The following XKR9 variants were observed in gnomAD, a reference collection of about 807,000 sequenced individuals.
XKR9 encodes XK-related protein 9.
In XKR9, 32 loss-of-function variants were observed where a neutral mutation model predicts 32.0. The ratio of observed to expected loss-of-function variants is 1.00; its 90% CI spans 0.76 to 1.34. XKR9 has a LOEUF of 1.34. XKR9 is among the 40% of genes most tolerant of loss of function. XKR9 has a pLI of 0.00. For missense variants in XKR9, 546 were observed against 429.7 expected (o/e 1.27, Z -2.39); for synonymous variants, 168 against 143.4 (o/e 1.17, Z -1.22).
the XKR9 span, among the ~76,000 whole-genome samples, chr8:71,029,788 A>T: frequency 6.6e-6 from 1 of 152,066 alleles, no homozygotes; most frequent in South Asian, 2.1e-4. Flanking sequence ...GATGAAAAAA[A>T]AAAAGTTGGC....
At chr8:70,766,066 A>G (rs1807371517) in intron 2 of XKR9, among the ~76,000 whole-genome samples, 1 of 152,058 alleles carries the variant, frequency 6.6e-6, no homozygotes, top group African/African-American at 2.4e-5. Context: ...CTTTTTGCTT[A>G]GGATTGTCTT....
At chr8:70,960,704 C>CA in the XKR9 span, among the ~76,000 whole-genome samples, 1 of 150,924 alleles carries the variant, frequency 6.6e-6, no homozygotes, top group Non-Finnish European at 1.5e-5. Flanking sequence ...TCTGTCTCTA[C>CA]AAAAAATAGA....
the XKR9 span, among the ~76,000 whole-genome samples, chr8:70,930,113 A>T: frequency 6.6e-6 from 1 of 152,088 alleles, no homozygotes. Context: ...TGGGTTTTGA[A>T]TTTTTTTCTG....
chr8:70,693,899 A>C (rs1177588763), intron 3 of XKR9, among the ~76,000 whole-genome samples: 1 of 151,798 alleles, frequency 6.6e-6, no homozygotes, highest in Non-Finnish European at 1.5e-5. Flanking sequence ...GCAGTGGCAA[A>C]GAGGCTTTCA....
intron 3 of XKR9, among the ~76,000 whole-genome samples, chr8:70,682,324 T>C (rs1051825130): frequency 6.6e-6 from 1 of 152,206 alleles, no homozygotes; most frequent in Non-Finnish European, 1.5e-5. Context: ...GTTGTAATAT[T>C]GAAGAAAGAT....
chr8:70,740,956 A>G (rs958162579), intron 2 of XKR9, among the ~76,000 whole-genome samples: 2 of 152,200 alleles, frequency 1.3e-5, no homozygotes, highest in African/African-American at 2.4e-5. Context: ...CCGTTCTGAG[A>G]TCTCCAGCTG....
chr8:70,808,877 T>C, the XKR9 span, among the ~76,000 whole-genome samples: 1 of 152,200 alleles, frequency 6.6e-6, no homozygotes. Context: ...GGGCAGGGCA[T>C]AGCCAAACAA....
chr8:70,898,509 G>T, the XKR9 span, among the ~76,000 whole-genome samples: 2 of 152,012 alleles, frequency 1.3e-5, no homozygotes, highest in Non-Finnish European at 2.9e-5. Context: ...TGCAAACTTT[G>T]CTATATTGTA....
chr8:70,822,372 G>A, the XKR9 span, among the ~76,000 whole-genome samples: 12 of 151,980 alleles, frequency 7.9e-5, no homozygotes, highest in East Asian at 9.7e-4. Flanking sequence ...AGACCTTGTC[G>A]AAATAATTTC....
At chr8:70,775,722 T>A (rs1222348878) in intron 2 of XKR9, among the ~76,000 whole-genome samples, 1 of 151,410 alleles carries the variant, frequency 6.6e-6, no homozygotes, top group African/African-American at 2.4e-5. Context: ...GATTTTTGCC[T>A]CTGCGTACAT....
chr8:70,954,032 G>T, the XKR9 span, among the ~76,000 whole-genome samples: 9 of 152,058 alleles, frequency 5.9e-5, no homozygotes, highest in East Asian at 1.2e-3. Context: ...GAAATGTGGG[G>T]AAAATTTTTT....
chr8:70,909,615 C>G, the XKR9 span, among the ~76,000 whole-genome samples: 156 of 151,756 alleles, frequency 1.0e-3, no homozygotes, highest in Middle Eastern at 6.8e-3. Context: ...TGCACTCCAG[C>G]CTGTGTGACA....
the XKR9 span, among the ~76,000 whole-genome samples, chr8:70,992,255 C>T: frequency 6.6e-6 from 1 of 152,158 alleles, no homozygotes; most frequent in East Asian, 1.9e-4. Flanking sequence ...TATCTTGTTT[C>T]TTAAACTTTC....
the XKR9 span, among the ~76,000 whole-genome samples, chr8:71,018,402 C>T: frequency 6.6e-6 from 1 of 152,124 alleles, no homozygotes; most frequent in Non-Finnish European, 1.5e-5. Flanking sequence ...ATCTTCTCTA[C>T]AATTGAATGA....
the XKR9 span, among the ~76,000 whole-genome samples, chr8:71,036,103 A>G: frequency 7.9e-5 from 12 of 152,312 alleles, no homozygotes; most frequent in East Asian, 2.3e-3. Flanking sequence ...TCATTTCTGA[A>G]GGCTCCTGTG....
At chr8:70,787,920 TA>T (rs982325032) in intron 2 of XKR9, among the ~76,000 whole-genome samples, 34 of 151,150 alleles carry the variant, frequency 2.2e-4, no homozygotes, top group Middle Eastern at 3.4e-3. Flanking sequence ...AATAAGCAAA[TA>T]AAAAAAAATT....
chr8:70,789,123 T>A (rs1196038366), intron 2 of XKR9, among the ~76,000 whole-genome samples: 1 of 152,070 alleles, frequency 6.6e-6, no homozygotes, highest in Non-Finnish European at 1.5e-5. Context: ...TTCTTGCCAA[T>A]TTCATTTACA....
chr8:70,722,352 G>A (rs1464108747), intron 4 of XKR9, among the ~76,000 whole-genome samples: 2 of 152,106 alleles, frequency 1.3e-5, no homozygotes, highest in African/African-American at 4.8e-5. Flanking sequence ...ATGCTAGCTG[G>A]TTATTTTGCA....
intron 2 of XKR9, among the ~76,000 whole-genome samples, chr8:70,771,887 A>G (rs1329955626): frequency 2.0e-5 from 3 of 152,178 alleles, no homozygotes; most frequent in Non-Finnish European, 4.4e-5. Flanking sequence ...GATATTGACA[A>G]AATTTCTGGA....
Sources: gnomAD v4.1 joint callset for allele counts (sites outside exome capture counted in the v4.1 genomes callset) on GRCh38, gnomAD v4.1.1 for gene constraint, MANE v1.5 for transcripts, NCBI Gene and HGNC (gene_info 2026-07-23, HGNC 2026-07-21) for gene names.